The following GOLGA1 variants were observed in gnomAD, a reference collection of about 807,000 sequenced individuals.
The protein encoded by GOLGA1 is golgin subfamily A member 1.
GOLGA1 carries 63 observed loss-of-function variants against 119.7 expected under a neutral mutation model. The observed-to-expected ratio is 0.53, with a 90% CI of 0.43 to 0.65. The LOEUF (loss-of-function observed/expected upper bound fraction) is 0.65, where lower values mean the gene tolerates loss of function less well. Ranked by LOEUF, GOLGA1 falls within the 30% of genes least tolerant of loss-of-function variation. The pLI is 0.00. For synonymous variants in GOLGA1, 318 were observed against 333.4 expected (o/e 0.95, Z 0.50); for missense variants, 798 against 912.8 (o/e 0.87, Z 1.62).
exon 1 of GOLGA1, chr9:124,948,008 T>C (rs1053948182): frequency 6.6e-6 from 1 of 152,228 alleles, no homozygotes; most frequent in African/African-American, 2.4e-5. Context: ...TCCAAACTGC[T>C]TCTCAGAGAC....
intron 4 of GOLGA1, among the ~76,000 whole-genome samples, chr9:124,930,915 G>A (rs910148451): frequency 2.0e-5 from 3 of 152,182 alleles, no homozygotes; most frequent in Non-Finnish European, 4.4e-5. Flanking sequence ...GGTATGAGCT[G>A]CAGGAAGTGG....
intron 12 of GOLGA1, among the ~76,000 whole-genome samples, chr9:124,904,487 A>T (rs1426902941): frequency 6.6e-6 from 1 of 152,238 alleles, no homozygotes; most frequent in African/African-American, 2.4e-5. Flanking sequence ...GAAAGATTTT[A>T]AAAATGAGAT....
At chr9:124,909,324 G>A (rs1830292902) in intron 11 of GOLGA1, among the ~76,000 whole-genome samples, 1 of 149,822 alleles carries the variant, frequency 6.7e-6, no homozygotes, top group South Asian at 2.1e-4. Context: ...AAAAAAAAAT[G>A]GGGCTGGGAG....
At position 124,881,481 on chromosome 9, in the gene GOLGA1, T is replaced by A. The variant is rs4838234; in HGVS notation, c.2137-224A>T. On this transcript the variant is annotated intron_variant, in intron 21 of 22. Transcript: ENST00000373555. The surrounding 1 kb of genome is among the most constrained non-coding windows in gnomAD (Gnocchi z 4.9). Reference sequence around the variant, plus strand: ...ACTGCCCCAGCAGCTACCCTACCCTTTGGCAGGACCCAGGAGCGATGGGTG... The same window carrying A: ...ACTGCCCCAGCAGCTACCCTACCCTATGGCAGGACCCAGGAGCGATGGGTG... Among the ~76,000 whole-genome samples, 54,082 of 152,032 alleles carry A rather than the reference T, an allele frequency of 0.36. 9,837 individuals are homozygous for A. Among genetic ancestry groups the A allele is most frequent in the Admixed American group, 0.39 (6,009 of 15,270 alleles).
At chr9:124,914,552 G>C (rs955472009) in intron 10 of GOLGA1, among the ~76,000 whole-genome samples, 3 of 152,102 alleles carry the variant, frequency 2.0e-5, no homozygotes, top group Non-Finnish European at 4.4e-5. Context: ...AAGAGTTGGA[G>C]AACATTACCT....
intron 9 of GOLGA1, among the ~76,000 whole-genome samples, 164 bp downstream of exon 9, chr9:124,921,559 G>C (rs1333980448): frequency 6.6e-6 from 1 of 152,194 alleles, no homozygotes; most frequent in Non-Finnish European, 1.5e-5. Flanking sequence ...ATGGGTTGGA[G>C]GTAGGGTGAG....
intron 11 of GOLGA1, among the ~76,000 whole-genome samples, chr9:124,911,603 C>A (rs1194577346): frequency 1.3e-5 from 2 of 152,186 alleles, no homozygotes; most frequent in African/African-American, 4.8e-5. Context: ...GAGGGCAGTG[C>A]AGAAAGACAA....
intron 7 of GOLGA1, among the ~76,000 whole-genome samples, chr9:124,926,413 C>A (rs1830674252): frequency 6.6e-6 from 1 of 152,146 alleles, no homozygotes; most frequent in Non-Finnish European, 1.5e-5. Flanking sequence ...CTGAACCCAA[C>A]CGGATGCCAG....
upstream of GOLGA1, chr9:124,944,398 C>G (rs1325553238): frequency 1.6e-4 from 3 of 18,724 alleles, no homozygotes. Flanking sequence ...TCCCAGGTTA[C>G]AAGCAGTTCT....
Position 124,921,796 on chromosome 9 carries a change from T to G in GOLGA1, c.658A>C (p.Asn220His), listed in dbSNP as rs147949297. 373 of 1,609,758 alleles carry G rather than the reference T, an allele frequency of 2.3e-4. 3 individuals carry two copies. In the African/African-American group the frequency reaches 4.4e-3, roughly 19 times the overall value. ...SRTQEELMNS[N>H]QMSSDLSQKL... ...TGGCTTAAGTCTGATGACATCTGAT[T>G]GGAGTTCATCAACTCCTCCTGGGTA... Residue 220 changes from asparagine (N) to histidine (H), a missense_variant, in exon 9 of 23, where the codon AAT becomes CAT. Asn to His is a moderately conservative substitution (Grantham distance 68, BLOSUM62 1). Coordinates refer to ENST00000373555, the MANE Select transcript of GOLGA1 (RefSeq NM_002077.4).
intron 10 of GOLGA1, among the ~76,000 whole-genome samples, chr9:124,917,853 A>G (rs1033274882): frequency 6.6e-6 from 1 of 151,538 alleles, no homozygotes; most frequent in Non-Finnish European, 1.5e-5. Flanking sequence ...TCTGATATAT[A>G]TATATATTTT....
chr9:124,944,527 C>G (rs1343649549), upstream of GOLGA1: 1 of 147,750 alleles, frequency 6.8e-6, no homozygotes, highest in African/African-American at 2.5e-5. Flanking sequence ...CTGTATTGCC[C>G]AGACTGGTCT....
At chr9:124,899,950 T>A (rs534188907) in intron 13 of GOLGA1, among the ~76,000 whole-genome samples, 16 of 152,362 alleles carry the variant, frequency 1.1e-4, no homozygotes, top group African/African-American at 3.8e-4. Flanking sequence ...AGGATGACAG[T>A]GCATAATTCT....
chr9:124,882,414 G>T, intron 20 of GOLGA1, 96 bp downstream of exon 20: 3 of 842,404 alleles, frequency 3.6e-6, no homozygotes, highest in Non-Finnish European at 5.9e-6. Flanking sequence ...GGGGGTGGAG[G>T]GAGCATAGTC....
chr9:124,926,659 C>T (rs771194863), intron 7 of GOLGA1, 50 bp downstream of exon 7: 26 of 1,218,130 alleles, frequency 2.1e-5, no homozygotes, highest in South Asian at 1.7e-4. Context: ...GTTTTCCATA[C>T]CCCAGAGACG....
intron 15 of GOLGA1, among the ~76,000 whole-genome samples, chr9:124,894,863 AAG>A (rs1442215857): frequency 1.3e-5 from 2 of 152,174 alleles, no homozygotes; most frequent in African/African-American, 4.8e-5. Flanking sequence ...AAATACAACA[AAG>A]AACTTCCACA....
chr9:124,924,075 C>T (rs1389398582), intron 7 of GOLGA1, among the ~76,000 whole-genome samples: 2 of 152,090 alleles, frequency 1.3e-5, no homozygotes, highest in South Asian at 2.1e-4. Context: ...AGGCTGGTCT[C>T]GAACTCCTGA....
chr9:124,899,622 C>A (rs1297821514), intron 13 of GOLGA1, 144 bp from the exon 14 acceptor site: 3 of 778,618 alleles, frequency 3.9e-6, no homozygotes, highest in African/African-American at 1.7e-5. Flanking sequence ...TGAGGTCCCC[C>A]CTGCAGGCTC....
rs564032191 is a variant in GOLGA1 at position 124,926,673 on chromosome 9, C to A, written c.432+36G>T. On this transcript the variant is annotated intron_variant, in intron 7 of 22. Transcript: ENST00000373555. ...CGTTTTCCATACCCCAGAGACGAGA[C>A]CAACAAAAATGAGACAAAAATAAAG... 64 of 1,434,502 alleles carry A rather than the reference C, an allele frequency of 4.5e-5. No individual in the cohort carries two copies. The South Asian group carries it at 7.1e-4, about 16-fold the overall frequency. 88.9% of individuals were successfully genotyped at this position (1,434,502 alleles called of 1,614,324 possible).
Sources: gnomAD v4.1 joint callset for allele counts (sites outside exome capture counted in the v4.1 genomes callset) on GRCh38, gnomAD v4.1.1 for gene constraint, Gnocchi (gnomAD v3.1) non-coding constraint, MANE v1.5 for transcripts, NCBI Gene and HGNC (gene_info 2026-07-23, HGNC 2026-07-21) for gene names.